The following BMAL2 variants were observed in gnomAD, a reference collection of about 807,000 sequenced individuals.
BMAL2 encodes the protein basic helix-loop-helix ARNT like 2.
At chr12:27,391,397 A>C in the BMAL2 span, among the ~76,000 whole-genome samples, 1 of 152,188 alleles carries the variant, frequency 6.6e-6, no homozygotes, top group Non-Finnish European at 1.5e-5. Flanking sequence ...GCTGTGTAGT[A>C]TTCCATGATT....
chr12:27,333,192 C>T, the BMAL2 span: 1 of 1,176,572 alleles, frequency 8.5e-7, no homozygotes, highest in Non-Finnish European at 1.1e-6. Flanking sequence ...AGGTCTGCCC[C>T]CGCTGCCCCG....
the BMAL2 span, chr12:27,389,031 A>AT: frequency 2.9e-6 from 2 of 679,470 alleles, no homozygotes; most frequent in Non-Finnish European, 5.2e-6. Context: ...TGCTTTGAAC[A>AT]TTAAGTTCAT....
chr12:27,360,813 A>AAAAAAAAAAAAAAAAAAAC, the BMAL2 span, among the ~76,000 whole-genome samples: 1 of 148,932 alleles, frequency 6.7e-6, no homozygotes, highest in Non-Finnish European at 1.5e-5. Context: ...CAAAAAAAAA[A>AAAAAAAAAAAAAAAAAAAC]AAAAAAAAAA....
At chr12:27,408,683 C>T in the BMAL2 span, among the ~76,000 whole-genome samples, 1 of 152,146 alleles carries the variant, frequency 6.6e-6, no homozygotes, top group African/African-American at 2.4e-5. Flanking sequence ...AAAACTGGCA[C>T]AAGACAGGGA....
the BMAL2 span, among the ~76,000 whole-genome samples, chr12:27,415,168 A>G: frequency 6.6e-6 from 1 of 152,256 alleles, no homozygotes; most frequent in South Asian, 2.1e-4. Flanking sequence ...ATGAGAACTA[A>G]CTATAGTTAA....
the BMAL2 span, among the ~76,000 whole-genome samples, chr12:27,393,733 T>C: frequency 6.6e-6 from 1 of 152,316 alleles, no homozygotes; most frequent in Middle Eastern, 3.4e-3. Context: ...GTGTACTATG[T>C]GCCAGGTACT....
the BMAL2 span, among the ~76,000 whole-genome samples, chr12:27,413,174 T>C: frequency 6.6e-6 from 1 of 152,110 alleles, no homozygotes; most frequent in Admixed American, 6.6e-5. Flanking sequence ...AGGGTGCCAA[T>C]TAACAAATGG....
At chr12:27,380,901 G>T in the BMAL2 span, among the ~76,000 whole-genome samples, 2 of 151,916 alleles carry the variant, frequency 1.3e-5, no homozygotes, top group Non-Finnish European at 2.9e-5. Context: ...TGGGAGGATC[G>T]CTTGAGCCTG....
At chr12:27,378,963 C>A in the BMAL2 span, among the ~76,000 whole-genome samples, 2 of 151,706 alleles carry the variant, frequency 1.3e-5, no homozygotes, top group Non-Finnish European at 2.9e-5. Flanking sequence ...TTCCCTGGGT[C>A]ACGTTGGAAG....
the BMAL2 span, among the ~76,000 whole-genome samples, chr12:27,385,163 A>C: frequency 6.6e-6 from 1 of 151,948 alleles, no homozygotes; most frequent in Non-Finnish European, 1.5e-5. Flanking sequence ...AAAATATAAA[A>C]ATTAGCTGGG....
the BMAL2 span, chr12:27,370,060 G>A: frequency 8.7e-7 from 1 of 1,153,274 alleles, no homozygotes; most frequent in South Asian, 1.3e-5. Flanking sequence ...TTCTCCACTT[G>A]AGGACAGGCT....
chr12:27,401,552 A>G, the BMAL2 span: 13 of 1,604,380 alleles, frequency 8.1e-6, no homozygotes, highest in Non-Finnish European at 1.1e-5. Context: ...AAATACTTAC[A>G]GATTCCTACA....
the BMAL2 span, chr12:27,400,546 TCTATACTA>T: frequency 6.3e-7 from 1 of 1,588,924 alleles, no homozygotes; most frequent in African/African-American, 1.4e-5. Flanking sequence ...CACAGAAAAT[TCTATACTA>T]TCCATTGCAC....
the BMAL2 span, chr12:27,424,960 C>T: frequency 2.6e-5 from 4 of 152,258 alleles, no homozygotes; most frequent in Non-Finnish European, 5.9e-5. Flanking sequence ...CAAGGGAGGT[C>T]TAGGAAGATC....
At chr12:27,384,796 T>C in the BMAL2 span, among the ~76,000 whole-genome samples, 14 of 152,188 alleles carry the variant, frequency 9.2e-5, no homozygotes, top group East Asian at 1.9e-4. Context: ...AATATCTTAT[T>C]GTATTGTGCT....
chr12:27,403,403 A>G, the BMAL2 span: 1 of 1,331,042 alleles, frequency 7.5e-7, no homozygotes, highest in Non-Finnish European at 1.1e-6. Context: ...TAAAGTCCTC[A>G]ACTGAATTTC....
chr12:27,413,702 G>A, the BMAL2 span, among the ~76,000 whole-genome samples: 1 of 152,126 alleles, frequency 6.6e-6, no homozygotes, highest in Non-Finnish European at 1.5e-5. Flanking sequence ...AAGACAGAGT[G>A]GCTGAATGGA....
At chr12:27,378,931 C>A in the BMAL2 span, among the ~76,000 whole-genome samples, 1 of 151,818 alleles carries the variant, frequency 6.6e-6, no homozygotes, top group Admixed American at 6.6e-5. Context: ...GGGTCTAAAC[C>A]AGGGGTATCC....
chr12:27,348,920 C>A, the BMAL2 span, among the ~76,000 whole-genome samples: 7 of 152,142 alleles, frequency 4.6e-5, no homozygotes, highest in Non-Finnish European at 8.8e-5. Context: ...TTACAAAGTG[C>A]TGCTATATAA....
Sources: allele counts gnomAD v4.1 joint callset (sites outside exome capture counted in the v4.1 genomes callset), GRCh38; gene constraint gnomAD v4.1.1; transcripts MANE v1.5; gene names NCBI Gene and HGNC (gene_info 2026-07-23, HGNC 2026-07-21).